Variants in MAGI1 observed in about 807,000 individuals in gnomAD.
The protein encoded by MAGI1 is membrane-associated guanylate kinase, WW and PDZ domain-containing protein 1.
Under a neutral mutation model 139.9 loss-of-function variants are expected in MAGI1, and 58 were observed. That is an observed-to-expected ratio of 0.41 (90% confidence interval 0.34 to 0.52). MAGI1 has a LOEUF of 0.52. MAGI1 is among the 20% of genes least tolerant of loss of function. The pLI is 0.12. For missense variants in MAGI1, 1,874 were observed against 1,901.6 expected (o/e 0.99, Z 0.27); for synonymous variants, 812 against 737.9 (o/e 1.10, Z -1.63).
intron 1 of MAGI1, among the ~76,000 whole-genome samples, chr3:65,750,981 T>A (rs188678219): frequency 4.6e-5 from 7 of 152,366 alleles, no homozygotes; most frequent in Non-Finnish European, 7.3e-5. Context: ...AGGCAAGTGA[T>A]TCAACTTCTC....
intron 1 of MAGI1, among the ~76,000 whole-genome samples, chr3:65,893,213 T>C (rs1321941999): frequency 6.6e-6 from 1 of 152,130 alleles, no homozygotes; most frequent in Non-Finnish European, 1.5e-5. Flanking sequence ...TGTCCTCTAA[T>C]TGGAGTCATT....
chr3:65,664,470 C>A (rs190955482), intron 1 of MAGI1, among the ~76,000 whole-genome samples: 2 of 152,056 alleles, frequency 1.3e-5, no homozygotes, highest in Non-Finnish European at 2.9e-5. Context: ...ATTTTACAGA[C>A]GAAAAAACTC....
intron 4 of MAGI1, among the ~76,000 whole-genome samples, chr3:65,471,745 A>G (rs1164680237): frequency 6.6e-6 from 1 of 151,752 alleles, no homozygotes; most frequent in African/African-American, 2.4e-5. Flanking sequence ...TGTCTTTGTT[A>G]TTAGGTCAGG....
intron 5 of MAGI1, among the ~76,000 whole-genome samples, chr3:65,469,427 C>T (rs550661459): frequency 2.6e-5 from 4 of 151,780 alleles, no homozygotes; most frequent in Non-Finnish European, 4.4e-5. Context: ...AAACTGACTA[C>T]TGTTGGTTAG....
At chr3:66,036,237 T>C (rs2068909690) in intron 1 of MAGI1, among the ~76,000 whole-genome samples, 1 of 152,228 alleles carries the variant, frequency 6.6e-6, no homozygotes, top group Non-Finnish European at 1.5e-5. Flanking sequence ...TATGGAGCAC[T>C]TACTATGTAC....
chr3:65,548,124 C>T (rs1191992655), intron 2 of MAGI1, among the ~76,000 whole-genome samples: 1 of 152,204 alleles, frequency 6.6e-6, no homozygotes, highest in Non-Finnish European at 1.5e-5. Flanking sequence ...GATGTGAATA[C>T]GCTTTGCTCT....
chr3:65,659,966 T>A (rs1330245130), intron 1 of MAGI1, among the ~76,000 whole-genome samples: 1 of 152,170 alleles, frequency 6.6e-6, no homozygotes, highest in African/African-American at 2.4e-5. Flanking sequence ...CCCAGAACCA[T>A]ACTGACAAGA....
intron 1 of MAGI1, among the ~76,000 whole-genome samples, chr3:65,903,944 G>A (rs962140324): frequency 6.6e-6 from 1 of 151,846 alleles, no homozygotes; most frequent in African/African-American, 2.4e-5. Context: ...GAAGGTGGAG[G>A]TTGCAGTGAG....
Position 65,833,388 on chromosome 3 carries a change from G to T in MAGI1, c.313+204608C>A, listed in dbSNP as rs62244042. On this transcript the variant is annotated intron_variant, in intron 1 of 22. Coordinates refer to ENST00000402939, the MANE Select transcript of MAGI1 (RefSeq NM_001033057.2). ...CCCGCCTCAGCCTCCCAAAGTGCTGGGATTACAGGTTTGAGCCACCACGCC... is the reference window on the plus strand; with the variant it reads ...CCCGCCTCAGCCTCCCAAAGTGCTGTGATTACAGGTTTGAGCCACCACGCC... Among the ~76,000 whole-genome samples, 3 of 151,864 alleles carry T rather than the reference G, an allele frequency of 2.0e-5. No homozygotes were observed. In the East Asian group the frequency reaches 5.8e-4, roughly 29 times the overall value.
chr3:65,719,326 G>A (rs973552488), intron 1 of MAGI1, among the ~76,000 whole-genome samples: 2 of 149,928 alleles, frequency 1.3e-5, no homozygotes, highest in Non-Finnish European at 3.0e-5. Flanking sequence ...TATATATCTG[G>A]GCTTACCATA....
At chr3:65,358,571 T>C (rs1940455235) in intron 22 of MAGI1, among the ~76,000 whole-genome samples, 1 of 152,180 alleles carries the variant, frequency 6.6e-6, no homozygotes, top group African/African-American at 2.4e-5. Flanking sequence ...GCTATTCAGC[T>C]CTGCCACTGT....
chr3:65,982,956 G>A (rs1045008588), intron 1 of MAGI1, among the ~76,000 whole-genome samples: 32 of 151,998 alleles, frequency 2.1e-4, no homozygotes, highest in Admixed American at 1.6e-3. Flanking sequence ...CTCTCCCTCC[G>A]TCACCTAGGC....
intron 1 of MAGI1, among the ~76,000 whole-genome samples, chr3:65,772,246 T>G (rs911099282): frequency 1.3e-5 from 2 of 152,104 alleles, no homozygotes; most frequent in African/African-American, 4.8e-5. Flanking sequence ...TTAGGCCCAA[T>G]CCCTTCCTTG....
At chr3:65,885,619 T>C (rs916813654) in intron 1 of MAGI1, among the ~76,000 whole-genome samples, 37 of 152,148 alleles carry the variant, frequency 2.4e-4, no homozygotes, top group Middle Eastern at 3.4e-3. Flanking sequence ...ATTCTCATGA[T>C]AGTGAATAAG....
intron 1 of MAGI1, among the ~76,000 whole-genome samples, chr3:65,882,403 G>A (rs1319577776): frequency 6.6e-6 from 1 of 152,150 alleles, no homozygotes; most frequent in Non-Finnish European, 1.5e-5. Context: ...GTTCACCTCT[G>A]GGTGAATAGT....
chr3:65,696,125 C>T (rs900420181), intron 1 of MAGI1, among the ~76,000 whole-genome samples: 1 of 152,160 alleles, frequency 6.6e-6, no homozygotes, highest in Non-Finnish European at 1.5e-5. Context: ...ATACAGTGAG[C>T]TCACTCCTGC....
intron 1 of MAGI1, among the ~76,000 whole-genome samples, chr3:65,937,499 G>C (rs1299082099): frequency 6.6e-6 from 1 of 152,044 alleles, no homozygotes; most frequent in African/African-American, 2.4e-5. Flanking sequence ...GGGGCTGAGA[G>C]CACTCCCCTG....
chr3:65,606,293 T>C (rs1488300998), intron 2 of MAGI1, among the ~76,000 whole-genome samples: 1 of 152,144 alleles, frequency 6.6e-6, no homozygotes, highest in Non-Finnish European at 1.5e-5. Context: ...TGCCTCTCAG[T>C]GCCCTGAAGG....
intron 1 of MAGI1, among the ~76,000 whole-genome samples, chr3:65,766,251 C>T (rs1209895783): frequency 6.6e-6 from 1 of 152,106 alleles, no homozygotes; most frequent in Non-Finnish European, 1.5e-5. Flanking sequence ...GTTTAATAAG[C>T]TAAGGCTACA....
Sources: allele counts gnomAD v4.1 joint callset (sites outside exome capture counted in the v4.1 genomes callset), GRCh38; gene constraint gnomAD v4.1.1; transcripts MANE v1.5; gene names NCBI Gene and HGNC (gene_info 2026-07-23, HGNC 2026-07-21).